Variants in HEMK1 observed in about 807,000 individuals in gnomAD.
HEMK1 encodes the protein HemK methyltransferase 1, mitochondrial release factors N(5)-glutamine, also known as MTRF1L release factor glutamine methyltransferase.
Under a neutral mutation model 47.9 loss-of-function variants are expected in HEMK1, and 36 were observed. That is an observed-to-expected ratio of 0.75 (90% CI 0.58 to 0.99). The LOEUF (loss-of-function observed/expected upper bound fraction) is 0.99, where lower values mean the gene tolerates loss of function less well. HEMK1 is among the 50% of genes least tolerant of loss of function. HEMK1 has a pLI of 0.00. For synonymous variants in HEMK1, 153 were observed against 165.4 expected, an observed-to-expected ratio of 0.93 and a Z score of 0.57; for missense variants, 383 against 434.5, an observed-to-expected ratio of 0.88 and a Z score of 1.05.
intron 7 of HEMK1, 39 bp from the exon 8 acceptor site, chr3:50,578,782 G>T: frequency 1.5e-6 from 2 of 1,378,364 alleles, no homozygotes; most frequent in Non-Finnish European, 2.0e-6. Flanking sequence ...ACCTCCCAAT[G>T]GGTTAGTCCC....
intron 5 of HEMK1, 103 bp from the exon 6 acceptor site, chr3:50,577,406 C>T: frequency 7.9e-7 from 1 of 1,259,742 alleles, no homozygotes; most frequent in South Asian, 1.2e-5. Context: ...GGGTATTTCC[C>T]TTCTCTTCTG....
At chr3:50,569,376 G>A (rs2232245), upstream of HEMK1, 13,752 of 152,382 alleles carry the variant, frequency 0.09, 759 homozygotes, top group Middle Eastern at 0.18. Context: ...CCACCCATCC[G>A]CAGGGGTCTC....
rs2030835294 is a variant in HEMK1, at chr3:50,581,720, T to C, written c.*1303T>C. ...CATGACAGTGACCAAGTGGAGACAG[T>C]AAGTTAGATCCCTCCCTTTGGGGAG... On this transcript the variant is annotated 3_prime_UTR_variant, in exon 11 of 11. Coordinates refer to ENST00000232854, the MANE Select transcript of HEMK1 (RefSeq NM_016173.5). The C allele has an allele frequency of 6.6e-6, 1 of 152,250 alleles. No homozygotes were observed. The highest frequency in any genetic ancestry group is 6.5e-5 in the Admixed American group (1 of 15,280). The allele number at this position is 152,250 out of a possible 1,614,324, so 9.4% of individuals were successfully genotyped here.
intron 6 of HEMK1, 87 bp from the exon 7 acceptor site, chr3:50,577,739 C>A: frequency 6.8e-7 from 1 of 1,479,336 alleles, no homozygotes; most frequent in Non-Finnish European, 9.5e-7. Flanking sequence ...CTTGCCAGTC[C>A]AAGAAGGGTT....
rs1035362838 is a variant in HEMK1, at chr3:50,584,386, C to G, written c.*3969C>G. ...ATGGCAGTGTCTTAATCACCTAAAC[C>G]TTAACATGTGACTATATTACCTTCA... On this transcript the variant is annotated 3_prime_UTR_variant, in exon 11 of 11. Transcript: ENST00000232854. 6.6e-6 allele frequency: 1 copy of G among 152,216 alleles called. No individual in the cohort carries two copies. Among genetic ancestry groups the G allele is most frequent in the African/African-American group, 2.4e-5 (1 of 41,446 alleles). The allele number at this position is 152,216 out of a possible 1,614,324, so 9.4% of individuals were successfully genotyped here. A position where few individuals can be genotyped will look rare whatever the true frequency, so the allele number is the denominator to read the frequency against.
At position 50,583,200 on chromosome 3, in the gene HEMK1, C is replaced by T. The variant is rs1423992614; in HGVS notation, c.*2783C>T. On this transcript the variant is annotated 3_prime_UTR_variant, in exon 11 of 11. Coordinates refer to ENST00000232854, the MANE Select transcript of HEMK1 (RefSeq NM_016173.5). ...TTCTGATAGTTGGGGAAACTGAGGCCTTGTCTCACAGTTGGATGCTTTTCC... is the reference window on the plus strand; with the variant it reads ...TTCTGATAGTTGGGGAAACTGAGGCTTTGTCTCACAGTTGGATGCTTTTCC... 6.6e-6 allele frequency: 1 copy of T among 152,256 alleles called. No individual in the cohort carries two copies. The highest frequency in any genetic ancestry group is 1.5e-5 in the Non-Finnish European group (1 of 68,072). The allele number at this position is 152,256 out of a possible 1,614,324, so 9.4% of individuals were successfully genotyped here.
chr3:50,581,408 C>G lies in HEMK1; in HGVS notation c.*991C>G, dbSNP rs553396493. On this transcript the variant is annotated 3_prime_UTR_variant, in exon 11 of 11. Transcript: ENST00000232854. ...GCTGTCTCATTCCACTAGACTGCCC[C>G]CTGCCACCCTGGCACTTCCCAGGGC... The G allele has an allele frequency of 6.6e-6, 1 of 151,024 alleles. No individual in the cohort carries two copies. The highest frequency in any genetic ancestry group is 6.9e-5 in the Admixed American group (1 of 14,412). The allele number at this position is 151,024 out of a possible 1,614,324, so 9.4% of individuals were successfully genotyped here.
At position 50,591,714 on chromosome 3, in the gene HEMK1, T is replaced by C. The variant is rs1363169080; in HGVS notation, c.*11297T>C. The C allele has an allele frequency of 1.7e-5, 1 of 59,960 alleles. No individual in the cohort carries two copies. The highest frequency in any genetic ancestry group is 3.7e-5 in the Non-Finnish European group (1 of 26,820). The allele number at this position is 59,960 out of a possible 1,614,324, so 3.7% of individuals were successfully genotyped here. ...TGTGTGTGTTTGTGTGTGTGTGGTG[T>C]TACTCTGCCTCAGAGGCCCAACCAC... is the stretch of plus-strand genomic sequence containing the variant. On this transcript the variant is annotated 3_prime_UTR_variant, in exon 11 of 11. Transcript: ENST00000232854.
chr3:50,595,612 A>C lies in HEMK1; in HGVS notation c.*15195A>C, dbSNP rs1458256950. On this transcript the variant is annotated 3_prime_UTR_variant, in exon 11 of 11. Transcript: ENST00000232854. The stretch of plus-strand genomic sequence containing the variant: ...TATAATAATCACCCTTGTAAAGATT[A>C]TTTAGAACAAGGGCAACCAGTGCCT... The C allele has an allele frequency of 1.3e-5, 2 of 152,244 alleles. No individual in the cohort carries two copies. Among genetic ancestry groups the C allele is most frequent in the East Asian group, 3.8e-4 (2 of 5,202 alleles). The allele number at this position is 152,244 out of a possible 1,614,324, so 9.4% of individuals were successfully genotyped here.
In HEMK1 at chr3:50,581,009, G is replaced by A. The variant is rs2030738901; in HGVS notation, c.*592G>A. 6.4e-6 allele frequency: 1 copy of A among 155,408 alleles called. No homozygotes were observed. Among genetic ancestry groups the A allele is most frequent in the Non-Finnish European group, 1.4e-5 (1 of 70,268 alleles). The allele number at this position is 155,408 out of a possible 1,614,324, so 9.6% of individuals were successfully genotyped here. A position where few individuals can be genotyped will look rare whatever the true frequency, so the allele number is the denominator to read the frequency against. On this transcript the variant is annotated 3_prime_UTR_variant, in exon 11 of 11. Coordinates refer to ENST00000232854, the MANE Select transcript of HEMK1 (RefSeq NM_016173.5). The stretch of plus-strand genomic sequence containing the variant: ...CAAGGATGACTGCCTGCTTTCTGGA[G>A]GGGAGGGTCTGGAGGTCTTTGCTGC...
chr3:50,580,424 T>C lies in HEMK1; in HGVS notation c.*7T>C. ...CCGGAGGTCTGGGCCATAGCATGGC[T>C]GCCCTGTGGATGCCTTGTCAGTGCC... is the stretch of plus-strand genomic sequence containing the variant. On this transcript the variant is annotated 3_prime_UTR_variant, in exon 11 of 11. Transcript: ENST00000232854. 6.2e-7 allele frequency: 1 copy of C among 1,614,096 alleles called. No homozygotes were observed. Among genetic ancestry groups the C allele is most frequent in the Non-Finnish European group, 8.5e-7 (1 of 1,179,968 alleles).
chr3:50,585,378 G>C lies in HEMK1; in HGVS notation c.*4961G>C, dbSNP rs2031269155. On this transcript the variant is annotated 3_prime_UTR_variant, in exon 11 of 11. Coordinates refer to ENST00000232854, the MANE Select transcript of HEMK1 (RefSeq NM_016173.5). ...CATGTAAGCCATAGGCCTGAGCAGA[G>C]CTGTGTCACCATTCTGTTCCTATGG... 1 of 152,324 alleles carries C rather than the reference G, an allele frequency of 6.6e-6. No individual in the cohort carries two copies. Among genetic ancestry groups the C allele is most frequent in the South Asian group, 2.1e-4 (1 of 4,836 alleles). 9.4% of individuals were successfully genotyped at this position (152,324 alleles called of 1,614,324 possible).
chr3:50,584,120 C>T lies in HEMK1; in HGVS notation c.*3703C>T, dbSNP rs977118109. The stretch of plus-strand genomic sequence containing the variant: ...AATGGCCACTTCGAAGACTCAAGTG[C>T]ACCTGATCCCTGCGCAACAGCCACA... On this transcript the variant is annotated 3_prime_UTR_variant, in exon 11 of 11. Coordinates refer to ENST00000232854, the MANE Select transcript of HEMK1 (RefSeq NM_016173.5). The T allele has an allele frequency of 1.3e-5, 2 of 152,210 alleles. No individual in the cohort carries two copies. Among genetic ancestry groups the T allele is most frequent in the African/African-American group, 4.8e-5 (2 of 41,444 alleles). 9.4% of individuals were successfully genotyped at this position (152,210 alleles called of 1,614,324 possible). A position where few individuals can be genotyped will look rare whatever the true frequency, so the allele number is the denominator to read the frequency against.
chr3:50,575,238 C>A (rs535810452), intron 4 of HEMK1, among the ~76,000 whole-genome samples: 1 of 152,068 alleles, frequency 6.6e-6, no homozygotes, highest in Admixed American at 6.5e-5. Context: ...GCCTGACCAA[C>A]GTGGAGAAAC....
rs375261286 is a variant in HEMK1 at position 50,580,249 on chromosome 3, T to C, written c.980+20T>C. The C allele has an allele frequency of 1.6e-5, 26 of 1,609,324 alleles. No individual in the cohort carries two copies. Among genetic ancestry groups the C allele is most frequent in the Non-Finnish European group, 2.2e-5 (26 of 1,175,790 alleles). Reference sequence around the variant, plus strand: ...TGGGAGGTAAGATCCTAGCCCCCTTTAGCCCTGTAGCATGCTGGTCTTTCC... The same window carrying C: ...TGGGAGGTAAGATCCTAGCCCCCTTCAGCCCTGTAGCATGCTGGTCTTTCC... On this transcript the variant is annotated intron_variant, in intron 10 of 10. Transcript: ENST00000232854.
Position 50,572,228 on chromosome 3 carries a change from A to G in HEMK1, c.414+20A>G. 6.4e-7 allele frequency: 1 copy of G among 1,560,656 alleles called. No individual in the cohort carries two copies. Among genetic ancestry groups the G allele is most frequent in the Non-Finnish European group, 8.8e-7 (1 of 1,141,146 alleles). On this transcript the variant is annotated intron_variant, in intron 4 of 10. Transcript: ENST00000232854. Reference sequence around the variant, plus strand: ...ACAGAGGTAGGTGTGCCACCAGGGCAAGGCAGGATCAGGATGATGGTGGAG... The same window carrying G: ...ACAGAGGTAGGTGTGCCACCAGGGCGAGGCAGGATCAGGATGATGGTGGAG...
chr3:50,578,407 G>T (rs1270113610), intron 7 of HEMK1, among the ~76,000 whole-genome samples: 1 of 152,222 alleles, frequency 6.6e-6, no homozygotes, highest in Non-Finnish European at 1.5e-5. Context: ...GGTGAAACCA[G>T]TAGTCAGAGC....
At chr3:50,571,469 GCA>G (rs1700950954) in intron 2 of HEMK1, 137 bp downstream of exon 2, 2 of 698,320 alleles carry the variant, frequency 2.9e-6, no homozygotes, top group Non-Finnish European at 4.9e-6. Context: ...TTAGCGCCTG[GCA>G]CACACTGTAA....
At chr3:50,580,251 G>T in intron 10 of HEMK1, 22 bp downstream of exon 10, 1 of 1,609,832 alleles carries the variant, frequency 6.2e-7, no homozygotes, top group African/African-American at 1.3e-5. Context: ...GCCCCCTTTA[G>T]CCCTGTAGCA....
Sources: gnomAD v4.1 joint callset for allele counts (sites outside exome capture counted in the v4.1 genomes callset) on GRCh38, gnomAD v4.1.1 for gene constraint, MANE v1.5 for transcripts, NCBI Gene and HGNC (gene_info 2026-07-23, HGNC 2026-07-21) for gene names.